The following C9orf40 variants were observed in gnomAD, a reference collection of about 807,000 sequenced individuals.
C9orf40 encodes the protein uncharacterized protein C9orf40.
Under a neutral mutation model 7.9 loss-of-function variants are expected in C9orf40, and 2 were observed. The observed-to-expected ratio is 0.25, with a 90% CI of 0.10 to 0.80. The LOEUF (loss-of-function observed/expected upper bound fraction) is 0.80. C9orf40 is among the 30% of genes least tolerant of loss of function. C9orf40 has a pLI of 0.68. For synonymous variants in C9orf40, 113 were observed against 117.6 expected, an observed-to-expected ratio of 0.96 and a Z score of 0.25; for missense variants, 256 against 268.5, an observed-to-expected ratio of 0.95 and a Z score of 0.33.
chr9:74,952,141 A>G lies in C9orf40; in HGVS notation c.426+45T>C. The G allele has an allele frequency of 1.5e-6, 1 of 663,146 alleles. No individual in the cohort carries two copies. Among genetic ancestry groups the G allele is most frequent in the East Asian group, 3.5e-5 (1 of 28,418 alleles). 41.1% of individuals were successfully genotyped at this position (663,146 alleles called of 1,614,324 possible). A position where few individuals can be genotyped will look rare whatever the true frequency, so the allele number is the denominator to read the frequency against. On this transcript the variant is annotated intron_variant, in intron 1 of 1. Coordinates refer to ENST00000376854, the MANE Select transcript of C9orf40 (RefSeq NM_017998.3). The surrounding 1 kb of genome is among the most constrained non-coding windows in gnomAD (Gnocchi z 5.4). ...GGGGCGTTTTGTGTGTGTGGGGAAA[A>G]GGCAAGCCCCTTCGCCCCTCAGCCC...
intron 1 of C9orf40, 142 bp from the exon 2 acceptor site, chr9:74,948,348 T>C: frequency 1.9e-6 from 1 of 524,604 alleles, no homozygotes. Context: ...ATATACATTT[T>C]AAATTTTGTC....
intron 1 of C9orf40, among the ~76,000 whole-genome samples, chr9:74,949,311 G>A (rs1587635354): frequency 6.6e-6 from 1 of 152,136 alleles, no homozygotes; most frequent in East Asian, 1.9e-4. Flanking sequence ...GATCGCTTGA[G>A]CCCCAGAGTT....
intron 1 of C9orf40, among the ~76,000 whole-genome samples, chr9:74,950,227 T>A (rs1453061714): frequency 6.6e-6 from 1 of 152,244 alleles, no homozygotes. Context: ...AGTAGAGAGC[T>A]GCCAGATCTA....
rs565899411 is a variant in C9orf40, at chr9:74,952,374, T to C, written c.238A>G (p.Ser80Gly). Residue 80 changes from serine (S) to glycine (G), a missense_variant, in exon 1 of 2, where the codon AGC becomes GGC. Coordinates refer to ENST00000376854, the MANE Select transcript of C9orf40 (RefSeq NM_017998.3). The surrounding 1 kb of genome is among the most constrained non-coding windows in gnomAD (Gnocchi z 5.4). Reference sequence around the variant, plus strand: ...TCACGCTCCTGGCCGCTCGGGGCGCTGTTGTCCCCGCTGTCACGGCGCTTG... The same window carrying C: ...TCACGCTCCTGGCCGCTCGGGGCGCCGTTGTCCCCGCTGTCACGGCGCTTG... ...PSKRRDSGDN[S>G]APSGQEREDH... is the part of the protein sequence containing the mutation. 4.0e-5 allele frequency: 62 copies of C among 1,567,342 alleles called. No homozygotes were observed. In the Admixed American group the frequency reaches 9.3e-4, roughly 23 times the overall value.
In C9orf40 at chr9:74,947,769, A is replaced by G. The variant is rs958902889; in HGVS notation, c.*279T>C. 1 of 237,356 alleles carries G rather than the reference A, an allele frequency of 4.2e-6. No homozygotes were observed. 14.7% of individuals were successfully genotyped at this position (237,356 alleles called of 1,614,324 possible). On this transcript the variant is annotated 3_prime_UTR_variant, in exon 2 of 2. Transcript: ENST00000376854. Reference sequence around the variant, plus strand: ...TAAAACTGCTAGAATTTCTTTTTATAAGATCAGTACCTTCAATTCTAGAAT... The same window carrying G: ...TAAAACTGCTAGAATTTCTTTTTATGAGATCAGTACCTTCAATTCTAGAAT...
rs760314227 is a variant in C9orf40 at position 74,948,017 on chromosome 9, T to C, written c.*31A>G. ...ATTCACTTAGAGACATCTCCTCAAA[T>C]CAGCCAATCCCACTGCTTCGGCTCC... On this transcript the variant is annotated 3_prime_UTR_variant, in exon 2 of 2. Transcript: ENST00000376854. 6.3e-7 allele frequency: 1 copy of C among 1,588,512 alleles called. No individual in the cohort carries two copies. Among genetic ancestry groups the C allele is most frequent in the South Asian group, 1.1e-5 (1 of 87,546 alleles).
chr9:74,952,206 A>C lies in C9orf40; in HGVS notation c.406T>G (p.Trp136Gly), dbSNP rs1452970909. 4.8e-5 allele frequency: 14 copies of C among 290,676 alleles called. No individual in the cohort carries two copies. The highest frequency in any genetic ancestry group is 3.2e-4 in the South Asian group (2 of 6,182). 18.0% of individuals were successfully genotyped at this position (290,676 alleles called of 1,614,324 possible). A position where few individuals can be genotyped will look rare whatever the true frequency, so the allele number is the denominator to read the frequency against. The change falls in exon 1 of 2, where the codon TGG becomes GGG. Residue 136 changes from tryptophan (W) to glycine (G), a missense_variant. Physicochemically the swap from Trp to Gly is radical, Grantham distance 184. Transcript: ENST00000376854. This position sits in a 1 kb window ranked among gnomAD's most constrained non-coding sequence, Gnocchi z 5.4. ...AGRAGPPRGD[W>G]GVASRQHNEE... ...CCTACCTGGCGCGATGCGACCCCCCAGTCTCCCCGCGGGGGTCCTGCGCGC... is the reference window on the plus strand; with the variant it reads ...CCTACCTGGCGCGATGCGACCCCCCCGTCTCCCCGCGGGGGTCCTGCGCGC...
rs968636229 is a variant in C9orf40, at chr9:74,947,220, A to G, written c.*828T>C. On this transcript the variant is annotated 3_prime_UTR_variant, in exon 2 of 2. Transcript: ENST00000376854. The stretch of plus-strand genomic sequence containing the variant: ...TATATCCAAGACCCACCTCAGAACT[A>G]TTAAATGAGAATCTCTCAAGAGTGA... 6.5e-6 allele frequency: 1 copy of G among 152,680 alleles called. No individual in the cohort carries two copies. The highest frequency in any genetic ancestry group is 1.5e-5 in the Non-Finnish European group (1 of 68,048). 9.5% of individuals were successfully genotyped at this position (152,680 alleles called of 1,614,324 possible).
chr9:74,950,678 T>A (rs975046440), intron 1 of C9orf40, among the ~76,000 whole-genome samples: 1 of 151,788 alleles, frequency 6.6e-6, no homozygotes, highest in African/African-American at 2.4e-5. Context: ...GCCTAAGAAA[T>A]TTCATTTATT....
At position 74,946,653 on chromosome 9, in the gene C9orf40, T is replaced by C. The variant is rs1832243864; in HGVS notation, c.*1395A>G. 2 of 152,176 alleles carry C rather than the reference T, an allele frequency of 1.3e-5. No individual in the cohort carries two copies. The highest frequency in any genetic ancestry group is 1.5e-5 in the Non-Finnish European group (1 of 68,004). The allele number at this position is 152,176 out of a possible 1,614,324, so 9.4% of individuals were successfully genotyped here. A position where few individuals can be genotyped will look rare whatever the true frequency, so the allele number is the denominator to read the frequency against. ...TTGAGGCTTGGAGATGAAAAATAAC[T>C]GGCTTAAAGATACATAGGTAGGAAG... On this transcript the variant is annotated 3_prime_UTR_variant, in exon 2 of 2. Transcript: ENST00000376854.
In C9orf40 at chr9:74,952,693, G is replaced by C; in HGVS notation, c.-82C>G. On this transcript the variant is annotated 5_prime_UTR_variant, in exon 1 of 2. Coordinates refer to ENST00000376854, the MANE Select transcript of C9orf40 (RefSeq NM_017998.3). The surrounding 1 kb of genome is among the most constrained non-coding windows in gnomAD (Gnocchi z 5.4). ...GCGGGGGGCGAAGAGCGAGGACTGA[G>C]CGCGTGAGAGAGGGACAGGCCGAAG... 1 of 1,322,476 alleles carries C rather than the reference G, an allele frequency of 7.6e-7. No homozygotes were observed. Among genetic ancestry groups the C allele is most frequent in the Non-Finnish European group, 1.0e-6 (1 of 983,684 alleles). 81.9% of individuals were successfully genotyped at this position (1,322,476 alleles called of 1,614,324 possible).
chr9:74,951,646 TAAAAC>T (rs772979223), intron 1 of C9orf40, among the ~76,000 whole-genome samples: 6 of 152,224 alleles, frequency 3.9e-5, no homozygotes, highest in Non-Finnish European at 7.3e-5. Flanking sequence ...CACTATGAGT[TAAAAC>T]AAAGCTTTGA....
chr9:74,951,781 A>C (rs1202115009), intron 1 of C9orf40, among the ~76,000 whole-genome samples: 1 of 152,190 alleles, frequency 6.6e-6, no homozygotes, highest in Non-Finnish European at 1.5e-5. Flanking sequence ...CGAATTCTAG[A>C]CTAATCATCG....
At chr9:74,949,818 C>T (rs956537148) in intron 1 of C9orf40, among the ~76,000 whole-genome samples, 10 of 152,084 alleles carry the variant, frequency 6.6e-5, no homozygotes, top group Non-Finnish European at 8.8e-5. Context: ...AAAAGAGAAG[C>T]GCCTCCAGAA....
Position 74,952,835 on chromosome 9 carries a change from G to A in C9orf40, c.-224C>T, listed in dbSNP as rs945817629. ...CGCGCTCAGCCCTCGCCGCCGCCGA[G>A]ATGCGGCCCGGACGTTGAGAAGCAA... On this transcript the variant is annotated 5_prime_UTR_variant, in exon 1 of 2. Coordinates refer to ENST00000376854, the MANE Select transcript of C9orf40 (RefSeq NM_017998.3). The surrounding 1 kb of genome is among the most constrained non-coding windows in gnomAD (Gnocchi z 5.4). 1.6e-4 allele frequency: 79 copies of A among 490,216 alleles called. No homozygotes were observed. The highest frequency in any genetic ancestry group is 2.5e-4 in the Non-Finnish European group (70 of 279,808). 30.4% of individuals were successfully genotyped at this position (490,216 alleles called of 1,614,324 possible).
rs998235805 is a variant in C9orf40, at chr9:74,952,845, G to A, written c.-234C>T. 2 of 481,022 alleles carry A rather than the reference G, an allele frequency of 4.2e-6. No homozygotes were observed. Among genetic ancestry groups the A allele is most frequent in the Non-Finnish European group, 3.6e-6 (1 of 274,120 alleles). The allele number at this position is 481,022 out of a possible 1,614,324, so 29.8% of individuals were successfully genotyped here. On this transcript the variant is annotated 5_prime_UTR_variant, in exon 1 of 2. Coordinates refer to ENST00000376854, the MANE Select transcript of C9orf40 (RefSeq NM_017998.3). The surrounding 1 kb of genome is among the most constrained non-coding windows in gnomAD (Gnocchi z 5.4). The stretch of plus-strand genomic sequence containing the variant: ...CCTCGCCGCCGCCGAGATGCGGCCC[G>A]GACGTTGAGAAGCAACCGCGAAGCG...
chr9:74,952,171 G>T lies in C9orf40; in HGVS notation c.426+15C>A, dbSNP rs889473138. 6.2e-6 allele frequency: 1 copy of T among 162,344 alleles called. No homozygotes were observed. Among genetic ancestry groups the T allele is most frequent in the Non-Finnish European group, 1.0e-5 (1 of 96,438 alleles). 10.1% of individuals were successfully genotyped at this position (162,344 alleles called of 1,614,324 possible). ...AGCCCCTTCGCCCCTCAGCCCACCCGCCCCCAGCCCCTACCTGGCGCGATG... is the reference window on the plus strand; with the variant it reads ...AGCCCCTTCGCCCCTCAGCCCACCCTCCCCCAGCCCCTACCTGGCGCGATG... On this transcript the variant is annotated intron_variant, in intron 1 of 1. Transcript: ENST00000376854. This position sits in a 1 kb window ranked among gnomAD's most constrained non-coding sequence, Gnocchi z 5.4.
In C9orf40 at chr9:74,952,120, C is replaced by A; in HGVS notation, c.426+66G>T. 1 of 561,398 alleles carries A rather than the reference C, an allele frequency of 1.8e-6. No homozygotes were observed. Among genetic ancestry groups the A allele is most frequent in the Non-Finnish European group, 2.7e-6 (1 of 367,374 alleles). 34.8% of individuals were successfully genotyped at this position (561,398 alleles called of 1,614,324 possible). A position where few individuals can be genotyped will look rare whatever the true frequency, so the allele number is the denominator to read the frequency against. ...CACAAGTCATGAGTGGGAACCGGGG[C>A]GTTTTGTGTGTGTGGGGAAAAGGCA... is the stretch of plus-strand genomic sequence containing the variant. On this transcript the variant is annotated intron_variant, in intron 1 of 1. Transcript: ENST00000376854. The surrounding 1 kb of genome is among the most constrained non-coding windows in gnomAD (Gnocchi z 5.4).
At position 74,948,098 on chromosome 9, in the gene C9orf40, C is replaced by T. The variant is rs1198755681; in HGVS notation, c.535G>A (p.Ala179Thr). 1.2e-6 allele frequency: 2 copies of T among 1,613,980 alleles called. No individual in the cohort carries two copies. The highest frequency in any genetic ancestry group is 2.7e-5 in the African/African-American group (2 of 74,934). The stretch of plus-strand genomic sequence containing the variant: ...CCTTCATTCCTGCCCTGAAGTGTTG[C>T]TTCTGTCAGGGTGTCTTCACTTAAA... ...EDLSEDTLTE[A>T]TLQGRNEGAE... The change falls in exon 2 of 2, where the codon GCA becomes ACA. Residue 179 changes from alanine to threonine, a missense_variant. Ala to Thr is a moderately conservative substitution (Grantham distance 58). Coordinates refer to ENST00000376854, the MANE Select transcript of C9orf40 (RefSeq NM_017998.3).
Sources: allele counts gnomAD v4.1 joint callset (sites outside exome capture counted in the v4.1 genomes callset), GRCh38; gene constraint gnomAD v4.1.1; non-coding constraint Gnocchi (gnomAD v3.1); transcripts MANE v1.5; gene names NCBI Gene and HGNC (gene_info 2026-07-23, HGNC 2026-07-21).